FADS2: variants seen among roughly 807,000 people sequenced by gnomAD.
FADS2 encodes acyl-CoA 6-desaturase.
Under a neutral mutation model 61.2 loss-of-function variants are expected in FADS2, and 18 were observed. That is an observed-to-expected ratio of 0.29 (90% confidence interval 0.20 to 0.44). The LOEUF (loss-of-function observed/expected upper bound fraction) is 0.44. Among genes scored for constraint, FADS2 ranks in the 20% least tolerant of loss-of-function variants. The pLI, the probability that FADS2 is intolerant of heterozygous loss-of-function variation, is 1.00. For missense variants in FADS2, 322 were observed against 572.7 expected (o/e 0.56, Z 4.47); for synonymous variants, 203 against 223.9 (o/e 0.91, Z 0.83).
chr11:61,858,259 AC>A (rs2067381393), intron 7 of FADS2, among the ~76,000 whole-genome samples: 1 of 151,572 alleles, frequency 6.6e-6, no homozygotes, highest in Non-Finnish European at 1.5e-5. Flanking sequence ...CTCAACTGCA[AC>A]CTCTACCTCC....
chr11:61,858,965 G>C (rs1241625775), intron 7 of FADS2, among the ~76,000 whole-genome samples: 2 of 152,242 alleles, frequency 1.3e-5, no homozygotes, highest in African/African-American at 2.4e-5. Context: ...TTTCTCAGCA[G>C]TCTATTTGTC....
upstream of FADS2, chr11:61,816,236 T>A (rs746329592): frequency 6.3e-7 from 1 of 1,594,930 alleles, no homozygotes; most frequent in Non-Finnish European, 8.5e-7. The surrounding 1 kb of genome is among the most constrained non-coding windows in gnomAD (Gnocchi z 7.0). Flanking sequence ...CCTACCCAGC[T>A]CGGGGTTCTG....
chr11:61,857,393 T>G, intron 6 of FADS2, 61 bp from the exon 7 acceptor site: 49 of 1,510,334 alleles, frequency 3.2e-5, no homozygotes, highest in Non-Finnish European at 4.0e-5. Flanking sequence ...TGGGTTCCCC[T>G]GACCTTCCGG....
At chr11:61,820,189 C>T in intron 1 of FADS2, among the ~76,000 whole-genome samples, 1 of 152,000 alleles carries the variant, frequency 6.6e-6, no homozygotes, top group East Asian at 1.9e-4. Flanking sequence ...AAGATAATTC[C>T]TTGATCAACC....
At chr11:61,826,794 C>A (rs72920182), upstream of FADS2, among the ~76,000 whole-genome samples, 2 of 152,268 alleles carry the variant, frequency 1.3e-5, no homozygotes, top group African/African-American at 2.4e-5. Flanking sequence ...ATCTGCCCCC[C>A]CAAGTACAAC....
At chr11:61,843,814 A>G (rs954392614) in intron 4 of FADS2, among the ~76,000 whole-genome samples, 23 of 152,012 alleles carry the variant, frequency 1.5e-4, no homozygotes, top group Non-Finnish European at 2.9e-5. Context: ...GTGCGCCACT[A>G]TGCCCAGCTA....
Position 61,816,749 on chromosome 11 carries a change from C to T in FADS2, c.141+323C>T, listed in dbSNP as rs755788898. The stretch of plus-strand genomic sequence containing the variant: ...GCCGCGGTCTCGGCGGCCACCGGGT[C>T]GGGGGCCATAGCTGGCCTGGCGACG... On this transcript the variant is annotated intron_variant, in intron 1 of 11. Transcript: ENST00000257261. The surrounding 1 kb of genome is among the most constrained non-coding windows in gnomAD (Gnocchi z 7.0). 10 of 1,549,722 alleles carry T rather than the reference C, an allele frequency of 6.5e-6. No homozygotes were observed. The Admixed American group carries it at 9.7e-5, about 15-fold the overall frequency.
chr11:61,821,573 G>A (rs570721583), intron 1 of FADS2: 6 of 604,042 alleles, frequency 9.9e-6, no homozygotes, highest in African/African-American at 1.8e-5. Context: ...AAGCAATACC[G>A]GTTGTGCTCA....
upstream of FADS2, among the ~76,000 whole-genome samples, chr11:61,824,483 AGAGAGAG>A (rs2067062009): frequency 5.1e-4 from 5 of 9,712 alleles, no homozygotes; most frequent in African/African-American, 6.7e-4. Flanking sequence ...AGAGAGAGAG[AGAGAGAG>A]AAAGAAAGAA....
chr11:61,828,690 G>T lies in FADS2; in HGVS notation c.207+93G>T. 1.7e-6 allele frequency: 2 copies of T among 1,149,940 alleles called. No individual in the cohort carries two copies. The highest frequency in any genetic ancestry group is 1.4e-5 in the South Asian group (1 of 69,014). 71.2% of individuals were successfully genotyped at this position (1,149,940 alleles called of 1,614,324 possible). On this transcript the variant is annotated intron_variant, in intron 1 of 11. Transcript: ENST00000278840. This position sits in a 1 kb window ranked among gnomAD's most constrained non-coding sequence, Gnocchi z 6.4. ...GTGGGCCAAACAGACCTCCGGCGCT[G>T]AATGGAGCTTGGGACGTCCTGTAGG... is the stretch of plus-strand genomic sequence containing the variant.
chr11:61,847,798 A>G (rs983612607), intron 4 of FADS2: 3 of 271,008 alleles, frequency 1.1e-5, no homozygotes, highest in Non-Finnish European at 2.2e-5. Context: ...CTGTCCCTGA[A>G]ACCTCGGCTT....
intron 10 of FADS2, among the ~76,000 whole-genome samples, chr11:61,864,684 T>C (rs1201034424): frequency 6.6e-6 from 1 of 151,964 alleles, no homozygotes; most frequent in Non-Finnish European, 1.5e-5. Context: ...TGTGAGCCAC[T>C]GCACCTGGCC....
At chr11:61,844,832 G>A (rs189617068) in intron 4 of FADS2, among the ~76,000 whole-genome samples, 5 of 151,472 alleles carry the variant, frequency 3.3e-5, no homozygotes. Flanking sequence ...GGCTGAGACA[G>A]GAGAATCACT....
intron 4 of FADS2, among the ~76,000 whole-genome samples, chr11:61,843,790 C>G (rs1384339724): frequency 6.6e-6 from 1 of 152,126 alleles, no homozygotes; most frequent in East Asian, 1.9e-4. Flanking sequence ...TCCCGAGTAG[C>G]TGGGATTACA....
At chr11:61,858,548 G>A (rs2067384946) in intron 7 of FADS2, among the ~76,000 whole-genome samples, 3 of 151,854 alleles carry the variant, frequency 2.0e-5, no homozygotes, top group South Asian at 4.2e-4. Context: ...TTTTAAAATA[G>A]GGACATTGGT....
intron 7 of FADS2, among the ~76,000 whole-genome samples, chr11:61,860,750 G>C (rs2135978790): frequency 6.6e-6 from 1 of 152,164 alleles, no homozygotes; most frequent in African/African-American, 2.4e-5. Flanking sequence ...GCGAAACCCT[G>C]TCTCTACAAA....
Position 61,866,691 on chromosome 11 carries a change from C to T in FADS2, c.*1002C>T. The T allele has an allele frequency of 6.5e-6, 1 of 152,788 alleles. No homozygotes were observed. The highest frequency in any genetic ancestry group is 1.5e-5 in the Non-Finnish European group (1 of 68,288). The allele number at this position is 152,788 out of a possible 1,614,324, so 9.5% of individuals were successfully genotyped here. A position where few individuals can be genotyped will look rare whatever the true frequency, so the allele number is the denominator to read the frequency against. On this transcript the variant is annotated 3_prime_UTR_variant, in exon 12 of 12. Transcript: ENST00000278840. ...TGGAGCTGGGAGGTCTCGTCCCAGCCCTCCCCATCTCGGGGCTGCTGTGTG... is the reference window on the plus strand; with the variant it reads ...TGGAGCTGGGAGGTCTCGTCCCAGCTCTCCCCATCTCGGGGCTGCTGTGTG...
At chr11:61,834,993 C>A (rs1287872254) in intron 1 of FADS2, among the ~76,000 whole-genome samples, 3 of 146,960 alleles carry the variant, frequency 2.0e-5, no homozygotes, top group African/African-American at 7.5e-5. Flanking sequence ...CCCCCCACCC[C>A]AGCCCTCCTC....
intron 1 of FADS2, among the ~76,000 whole-genome samples, chr11:61,837,455 G>A (rs1352889871): frequency 6.6e-6 from 1 of 152,194 alleles, no homozygotes; most frequent in Admixed American, 6.5e-5. Context: ...CCTGAGCCCC[G>A]TGTCTGCCTG....
Sources: allele counts gnomAD v4.1 joint callset (sites outside exome capture counted in the v4.1 genomes callset), GRCh38; gene constraint gnomAD v4.1.1; non-coding constraint Gnocchi (gnomAD v3.1); transcripts MANE v1.5; gene names NCBI Gene and HGNC (gene_info 2026-07-23, HGNC 2026-07-21).